Variants in POLR1D observed in about 807,000 individuals in gnomAD.
The protein encoded by POLR1D is RNA polymerase I and III subunit D.
Under a neutral mutation model 10.8 loss-of-function variants are expected in POLR1D, and 8 were observed. The observed-to-expected ratio is 0.74, with a 90% confidence interval of 0.43 to 1.33. The LOEUF is 1.33. Among genes scored for constraint, POLR1D ranks in the 40% most tolerant of loss-of-function variants. The pLI, the probability that POLR1D is intolerant of heterozygous loss-of-function variation, is 0.01. For synonymous variants in POLR1D, 54 were observed against 57.2 expected (o/e 0.94, Z 0.25); for missense variants, 152 against 161.7 (o/e 0.94, Z 0.32).
At chr13:27,631,379 ACT>A (rs1445944530) in intron 1 of POLR1D, among the ~76,000 whole-genome samples, 1 of 152,122 alleles carries the variant, frequency 6.6e-6, no homozygotes, top group African/African-American at 2.4e-5. Flanking sequence ...TTTATGCCCT[ACT>A]CTCAGAAGTG....
At chr13:27,664,985 T>G (rs1454699069) in intron 2 of POLR1D, 1 of 152,532 alleles carries the variant, frequency 6.6e-6, no homozygotes, top group African/African-American at 2.4e-5. Context: ...TATAAGTAGA[T>G]CTAAGCACAT....
rs372390457 is a variant in POLR1D, at chr13:27,661,886, T to C, written c.102-3800T>C. Among the ~76,000 whole-genome samples the C allele has an allele frequency of 1.8e-4, 28 of 152,226 alleles. No homozygotes were observed. In the East Asian group the frequency reaches 4.6e-3, roughly 25 times the overall value. ...AGAGGGTTTGTGGAACAGTTGGAAA[T>C]ACAAATGATAAGCTCAAAGGTAGTA... On this transcript the variant is annotated intron_variant, in intron 2 of 2. Coordinates refer to the POLR1D transcript ENST00000399697.
At chr13:27,652,866 CAAA>C (rs34688215) in intron 2 of POLR1D, among the ~76,000 whole-genome samples, 2 of 117,180 alleles carry the variant, frequency 1.7e-5, no homozygotes, top group Admixed American at 9.3e-5. Context: ...GACTCCATCT[CAAA>C]AAAAAAAAAA....
At chr13:27,627,405 G>T (rs999330035), downstream of POLR1D, among the ~76,000 whole-genome samples, 1 of 152,006 alleles carries the variant, frequency 6.6e-6, no homozygotes, top group Non-Finnish European at 1.5e-5. Flanking sequence ...GGAAATAAGA[G>T]ACTATGAGTC....
At chr13:27,627,577 A>G (rs1956026598), downstream of POLR1D, among the ~76,000 whole-genome samples, 1 of 152,188 alleles carries the variant, frequency 6.6e-6, no homozygotes, top group African/African-American at 2.4e-5. Context: ...TGAAACATCT[A>G]TTCTTTCATG....
chr13:27,630,223 A>G (rs953632228), intron 1 of POLR1D, among the ~76,000 whole-genome samples: 1 of 152,272 alleles, frequency 6.6e-6, no homozygotes, highest in African/African-American at 2.4e-5. Context: ...GTTTCTCAGT[A>G]TATTCCCTGT....
chr13:27,665,892 A>G (rs777024233), exon 3 of POLR1D: 1 of 1,613,528 alleles, frequency 6.2e-7, no homozygotes, highest in East Asian at 2.2e-5. Flanking sequence ...TCCGCCAGTT[A>G]CTCCCCGCCA....
At chr13:27,631,752 A>T (rs1398235670) in intron 1 of POLR1D, among the ~76,000 whole-genome samples, 1 of 152,236 alleles carries the variant, frequency 6.6e-6, no homozygotes, top group Non-Finnish European at 1.5e-5. Flanking sequence ...TCAGGCACAC[A>T]GTAGGCTTTC....
chr13:27,650,129 G>A (rs1470141979), intron 2 of POLR1D: 3 of 398,090 alleles, frequency 7.5e-6, no homozygotes, highest in Non-Finnish European at 1.3e-5. Flanking sequence ...CCGTGAAGAG[G>A]ACATGCTACC....
In POLR1D at chr13:27,663,497, A is replaced by G. The variant is rs1956385276; in HGVS notation, c.102-2189A>G. On this transcript the variant is annotated intron_variant, in intron 2 of 2. Coordinates refer to the POLR1D transcript ENST00000399697. The surrounding 1 kb of genome is among the most constrained non-coding windows in gnomAD (Gnocchi z 4.1). ...TCTCTGGCTAACTCTTTGGGTCACT[A>G]TGTTGAGTCAGTGGGTTACACTAGC... 6.6e-6 allele frequency among the ~76,000 whole-genome samples: 1 copy of G among 152,196 alleles called. No individual in the cohort carries two copies. The highest frequency in any genetic ancestry group is 6.5e-5 in the Admixed American group (1 of 15,292).
chr13:27,649,609 C>A (rs1250235008), intron 2 of POLR1D, among the ~76,000 whole-genome samples: 1 of 151,858 alleles, frequency 6.6e-6, no homozygotes, highest in African/African-American at 2.4e-5. Flanking sequence ...AATATAAAAT[C>A]AAAGAAATAA....
At chr13:27,666,180 G>GTA (rs1374080456) in exon 3 of POLR1D, 2 of 557,692 alleles carry the variant, frequency 3.6e-6, no homozygotes, top group African/African-American at 3.7e-5. Flanking sequence ...TACTTCTGCA[G>GTA]TGTAGTAGAC....
intron 2 of POLR1D, among the ~76,000 whole-genome samples, chr13:27,658,038 A>G (rs1038373686): frequency 2.6e-5 from 4 of 152,178 alleles, no homozygotes. Context: ...ATTTATTTAA[A>G]TAAGTGTATG....
In POLR1D at chr13:27,663,498, T is replaced by C. The variant is rs1324171710; in HGVS notation, c.102-2188T>C. On this transcript the variant is annotated intron_variant, in intron 2 of 2. Coordinates refer to the POLR1D transcript ENST00000399697. The surrounding 1 kb of genome is among the most constrained non-coding windows in gnomAD (Gnocchi z 4.1). ...CTCTGGCTAACTCTTTGGGTCACTA[T>C]GTTGAGTCAGTGGGTTACACTAGCA... Among the ~76,000 whole-genome samples, 1 of 152,242 alleles carries C rather than the reference T, an allele frequency of 6.6e-6. No homozygotes were observed. The highest frequency in any genetic ancestry group is 1.5e-5 in the Non-Finnish European group (1 of 68,036).
downstream of POLR1D, among the ~76,000 whole-genome samples, chr13:27,627,207 G>T (rs1956020255): frequency 2.6e-5 from 4 of 151,648 alleles, 1 homozygote; most frequent in South Asian, 8.3e-4. Context: ...GCCTTTTCTT[G>T]CTCAAATTCT....
intron 1 of POLR1D, chr13:27,622,308 G>A: frequency 1.9e-6 from 1 of 525,500 alleles, no homozygotes; most frequent in African/African-American, 1.9e-5. Flanking sequence ...GACGGTACTC[G>A]TGCCTCTGTC....
intron 2 of POLR1D, among the ~76,000 whole-genome samples, chr13:27,653,235 G>C (rs1158500435): frequency 1.3e-5 from 2 of 152,006 alleles, no homozygotes; most frequent in African/African-American, 4.8e-5. Context: ...CCATTGGCCA[G>C]AATTTAGTCT....
chr13:27,621,029 G>C (rs1417785762), upstream of POLR1D: 2 of 153,020 alleles, frequency 1.3e-5, no homozygotes, highest in Admixed American at 1.3e-4. Context: ...CGATTCGAGA[G>C]GAAGCGCACC....
chr13:27,659,933 CAT>C (rs1280960671), intron 2 of POLR1D, among the ~76,000 whole-genome samples: 33 of 146,786 alleles, frequency 2.2e-4, no homozygotes, highest in African/African-American at 8.1e-4. Flanking sequence ...TATACACACA[CAT>C]ACACACACAC....
Sources: gnomAD v4.1 joint callset for allele counts (sites outside exome capture counted in the v4.1 genomes callset) on GRCh38, gnomAD v4.1.1 for gene constraint, Gnocchi (gnomAD v3.1) non-coding constraint, MANE v1.5 for transcripts, NCBI Gene and HGNC (gene_info 2026-07-23, HGNC 2026-07-21) for gene names.